NECTIN1: variants seen among roughly 807,000 people sequenced by gnomAD.
The protein encoded by NECTIN1 is nectin-1.
NECTIN1 carries 23 observed loss-of-function variants against 48.0 expected under a neutral mutation model. The ratio of observed to expected loss-of-function variants is 0.48; its 90% CI spans 0.34 to 0.68. NECTIN1 has a LOEUF of 0.68. NECTIN1 is among the 30% of genes least tolerant of loss of function. The pLI, the probability that NECTIN1 is intolerant of heterozygous loss-of-function variation, is 0.01. For missense variants in NECTIN1, 591 were observed against 709.9 expected, an observed-to-expected ratio of 0.83 and a Z score of 1.90; for synonymous variants, 270 against 288.9, an observed-to-expected ratio of 0.93 and a Z score of 0.66.
chr11:119,640,622 C>T (rs1445924991), intron 5 of NECTIN1: 2 of 154,630 alleles, frequency 1.3e-5, no homozygotes, highest in African/African-American at 4.8e-5. Flanking sequence ...GTCATGGACC[C>T]AGAAGATTGC....
intron 5 of NECTIN1, among the ~76,000 whole-genome samples, chr11:119,667,768 G>A (rs1037513993): frequency 6.6e-6 from 1 of 152,106 alleles, no homozygotes; most frequent in Non-Finnish European, 1.5e-5. Flanking sequence ...TTCTTTCCTA[G>A]TGACAGACTA....
At chr11:119,651,578 A>T (rs1377193588) in intron 5 of NECTIN1, among the ~76,000 whole-genome samples, 1 of 151,584 alleles carries the variant, frequency 6.6e-6, no homozygotes, top group Admixed American at 6.6e-5. Flanking sequence ...TTAGCAGGGG[A>T]GCTCCTTCGC....
Position 119,661,390 on chromosome 11 carries a change from C to T in NECTIN1, c.*3357G>A. 1 of 986,364 alleles carries T rather than the reference C, an allele frequency of 1.0e-6. No homozygotes were observed. 61.1% of individuals were successfully genotyped at this position (986,364 alleles called of 1,614,324 possible). ...AGCAGCAGAGGGGCCTGCCTCCTGGCATCCCCGGTACTGGGCAGTGTGTGA... is the reference window on the plus strand; with the variant it reads ...AGCAGCAGAGGGGCCTGCCTCCTGGTATCCCCGGTACTGGGCAGTGTGTGA... On this transcript the variant is annotated 3_prime_UTR_variant, in exon 6 of 6. Transcript: ENST00000264025.
intron 1 of NECTIN1, among the ~76,000 whole-genome samples, chr11:119,699,310 G>A (rs979382205): frequency 1.3e-5 from 2 of 152,174 alleles, no homozygotes; most frequent in African/African-American, 4.8e-5. Flanking sequence ...TCTCCTCCCT[G>A]AGTTCCTGGA....
chr11:119,722,414 C>T (rs952100856), intron 1 of NECTIN1, among the ~76,000 whole-genome samples: 1 of 152,222 alleles, frequency 6.6e-6, no homozygotes, highest in African/African-American at 2.4e-5. Context: ...GAGTGGAGTC[C>T]TGGAGGGATG....
chr11:119,687,409 G>A (rs1274884429), intron 1 of NECTIN1: 1 of 152,208 alleles, frequency 6.6e-6, no homozygotes, highest in Non-Finnish European at 1.5e-5. Context: ...GGCTTCTGCT[G>A]TCCCAGCCTT....
At chr11:119,669,028 T>C (rs921705607) in intron 5 of NECTIN1, among the ~76,000 whole-genome samples, 4 of 152,256 alleles carry the variant, frequency 2.6e-5, no homozygotes, top group Non-Finnish European at 5.9e-5. Flanking sequence ...TTTCTGGACC[T>C]CTCAAGCCAC....
In NECTIN1 at chr11:119,663,593, A is replaced by AC. The variant is rs1864706880; in HGVS notation, c.*1153_*1154insG. The stretch of plus-strand genomic sequence containing the variant: ...GGACTGTGTTTGCAGAGCTTCTGCC[A>AC]TGTGGGCTTCCTTCCCCACTACCCT... On this transcript the variant is annotated 3_prime_UTR_variant, in exon 6 of 6. Transcript: ENST00000264025. 1.0e-6 allele frequency: 1 copy of AC among 985,496 alleles called. No homozygotes were observed. The highest frequency in any genetic ancestry group is 6.1e-5 in the Admixed American group (1 of 16,272). 61.0% of individuals were successfully genotyped at this position (985,496 alleles called of 1,614,324 possible).
In NECTIN1 at chr11:119,665,200, C is replaced by T; in HGVS notation, c.1101G>A (p.Val367=). 6.2e-7 allele frequency: 1 copy of T among 1,608,150 alleles called. No individual in the cohort carries two copies. The highest frequency in any genetic ancestry group is 8.5e-7 in the Non-Finnish European group (1 of 1,179,828). The change falls in exon 6 of 6, where the codon GTG becomes GTA. Residue 367 remains valine, a synonymous_variant. Transcript: ENST00000264025. The surrounding 1 kb of genome is among the most constrained non-coding windows in gnomAD (Gnocchi z 5.1). ...IGGVAGSILL[V]LIVVGGIVVA... ...CCACGATCCCGCCGACCACAATCAA[C>T]ACCAGCAGGATGCTCCCCGCCACGC...
chr11:119,705,330 A>AT (rs1865529404), intron 1 of NECTIN1, among the ~76,000 whole-genome samples: 1 of 152,244 alleles, frequency 6.6e-6, no homozygotes, highest in East Asian at 1.9e-4. Flanking sequence ...AGCAGAAAAC[A>AT]TTCTCTGTCT....
At chr11:119,726,982 G>A (rs1015101057) in intron 1 of NECTIN1, among the ~76,000 whole-genome samples, 11 of 152,102 alleles carry the variant, frequency 7.2e-5, no homozygotes, top group Non-Finnish European at 1.3e-4. Flanking sequence ...GGGGCAGGGT[G>A]GGCAGTGACA....
At position 119,715,816 on chromosome 11, in the gene NECTIN1, G is replaced by A. The variant is rs186851897; in HGVS notation, c.79+12659C>T. On this transcript the variant is annotated intron_variant, in intron 1 of 5. Transcript: ENST00000264025. ...CCACCATCCACCCAGGCCTCAACCC[G>A]ACTAGCATTCCTGCTTGAAAGAGCT... 2.1e-3 allele frequency among the ~76,000 whole-genome samples: 318 copies of A among 152,248 alleles called. 1 individual carries two copies. Among genetic ancestry groups the A allele is most frequent in the Non-Finnish European group, 3.7e-3 (249 of 68,008 alleles).
intron 1 of NECTIN1, chr11:119,687,377 T>G (rs572794986): frequency 6.6e-6 from 1 of 152,254 alleles, no homozygotes; most frequent in East Asian, 1.9e-4. Flanking sequence ...CCCCGGTTCA[T>G]CGCCCCTCCC....
chr11:119,640,359 T>G (rs1304703185), intron 5 of NECTIN1: 5 of 335,398 alleles, frequency 1.5e-5, no homozygotes, highest in Non-Finnish European at 2.8e-5. Flanking sequence ...GGAAGATTCC[T>G]GTTGAGGAGT....
intron 1 of NECTIN1, among the ~76,000 whole-genome samples, chr11:119,704,756 C>T (rs1488130866): frequency 1.3e-5 from 2 of 152,114 alleles, no homozygotes; most frequent in Non-Finnish European, 2.9e-5. Context: ...CACTCCACCC[C>T]GGGAGGCTCT....
chr11:119,723,116 G>A (rs1865860176), intron 1 of NECTIN1, among the ~76,000 whole-genome samples: 1 of 151,652 alleles, frequency 6.6e-6, no homozygotes, highest in African/African-American at 2.4e-5. Flanking sequence ...CTACTCGGGA[G>A]GCTGAGGCAG....
At position 119,664,700 on chromosome 11, in the gene NECTIN1, G is replaced by GGGGGGGGGGGT; in HGVS notation, c.*46_*47insACCCCCCCCCC. 6.9e-7 allele frequency: 1 copy of GGGGGGGGGGGT among 1,451,812 alleles called. No homozygotes were observed. The highest frequency in any genetic ancestry group is 9.4e-7 in the Non-Finnish European group (1 of 1,066,276). 89.9% of individuals were successfully genotyped at this position (1,451,812 alleles called of 1,614,324 possible). On this transcript the variant is annotated 3_prime_UTR_variant, in exon 6 of 6. Coordinates refer to ENST00000264025, the MANE Select transcript of NECTIN1 (RefSeq NM_002855.5). The stretch of plus-strand genomic sequence containing the variant: ...GGGGGGTGGGCAGGGGGCGTGCGGG[G>GGGGGGGGGGGT]AGGGGCTGGGGAGGAGCGGTCACAG...
chr11:119,693,445 G>C (rs917894322), intron 1 of NECTIN1, among the ~76,000 whole-genome samples: 1 of 152,224 alleles, frequency 6.6e-6, no homozygotes, highest in African/African-American at 2.4e-5. Flanking sequence ...CCCGAGTGGG[G>C]AGTCCCCTCA....
At chr11:119,641,580 T>C (rs1430546247) in intron 5 of NECTIN1, 1 of 146,882 alleles carries the variant, frequency 6.8e-6, no homozygotes, top group Non-Finnish European at 1.5e-5. Context: ...GGTCTCTCTT[T>C]CTTCCCCTTC....
Sources: gnomAD v4.1 joint callset for allele counts (sites outside exome capture counted in the v4.1 genomes callset) on GRCh38, gnomAD v4.1.1 for gene constraint, Gnocchi (gnomAD v3.1) non-coding constraint, MANE v1.5 for transcripts, NCBI Gene and HGNC (gene_info 2026-07-23, HGNC 2026-07-21) for gene names.